The following MTHFD2L variants were observed in gnomAD, a reference collection of about 807,000 sequenced individuals.
MTHFD2L encodes the protein methylenetetrahydrofolate dehydrogenase (NADP+ dependent) 2 like, also known as bifunctional methylenetetrahydrofolate dehydrogenase/cyclohydrolase 2, mitochondrial.
Under a neutral mutation model 34.9 loss-of-function variants are expected in MTHFD2L, and 29 were observed. The ratio of observed to expected loss-of-function variants is 0.83; its 90% CI spans 0.62 to 1.13. The LOEUF (loss-of-function observed/expected upper bound fraction) is 1.13. Among genes scored for constraint, MTHFD2L ranks in the 50% most tolerant of loss-of-function variants. The pLI is 0.00. For synonymous variants in MTHFD2L, 167 were observed against 155.7 expected (o/e 1.07, Z -0.54); for missense variants, 481 against 446.5 (o/e 1.08, Z -0.70).
At chr4:74,123,994 A>G (rs1384004002), upstream of MTHFD2L, among the ~76,000 whole-genome samples, 2 of 152,224 alleles carry the variant, frequency 1.3e-5, no homozygotes, top group East Asian at 3.9e-4. Context: ...AACTTGTCCT[A>G]TAACACATAT....
intron 3 of MTHFD2L, chr4:74,194,251 T>G (rs369159066): frequency 1.9e-4 from 29 of 152,316 alleles, no homozygotes; most frequent in African/African-American, 7.0e-4. Context: ...GATATATCGC[T>G]TCAATTTTCA....
At chr4:74,165,020 G>T (rs1208696644) in intron 1 of MTHFD2L, 2 of 984,486 alleles carry the variant, frequency 2.0e-6, no homozygotes, top group African/African-American at 1.7e-5. Context: ...TTTTTGATAT[G>T]CATTAATGGC....
intron 6 of MTHFD2L, among the ~76,000 whole-genome samples, chr4:74,265,064 AC>A (rs748533197): frequency 2.0e-5 from 3 of 152,124 alleles, no homozygotes; most frequent in Non-Finnish European, 4.4e-5. Flanking sequence ...GAGAGTAAGA[AC>A]TTTTTTTTTT....
At chr4:74,185,625 A>G (rs776728364) in intron 3 of MTHFD2L, among the ~76,000 whole-genome samples, 1 of 152,202 alleles carries the variant, frequency 6.6e-6, no homozygotes, top group Non-Finnish European at 1.5e-5. Context: ...AGATATTAAA[A>G]GGGCAGTAAG....
At chr4:74,218,146 TA>T (rs1286168789) in intron 5 of MTHFD2L, among the ~76,000 whole-genome samples, 1 of 152,120 alleles carries the variant, frequency 6.6e-6, no homozygotes, top group Non-Finnish European at 1.5e-5. Flanking sequence ...ATTTTTTTTT[TA>T]GTCATGATTT....
chr4:74,293,136 G>A (rs572696418), intron 7 of MTHFD2L, among the ~76,000 whole-genome samples: 39 of 152,084 alleles, frequency 2.6e-4, no homozygotes, highest in Non-Finnish European at 5.3e-4. Flanking sequence ...ATGGTGGTTG[G>A]CTGCACCCAT....
upstream of MTHFD2L, chr4:74,156,512 A>G (rs531309634): frequency 4.6e-5 from 7 of 152,336 alleles, no homozygotes; most frequent in Non-Finnish European, 1.0e-4. Context: ...TAAAGATGCT[A>G]TAAACATTCA....
chr4:74,240,895 A>G (rs1002670921), intron 6 of MTHFD2L, among the ~76,000 whole-genome samples: 4 of 152,150 alleles, frequency 2.6e-5, no homozygotes, highest in African/African-American at 9.7e-5. Context: ...ACTACCAAAC[A>G]CCTTTAATTA....
At chr4:74,225,573 T>A (rs1739020656) in intron 6 of MTHFD2L, among the ~76,000 whole-genome samples, 179 bp downstream of exon 6, 1 of 152,186 alleles carries the variant, frequency 6.6e-6, no homozygotes, top group Non-Finnish European at 1.5e-5. Context: ...TGTTAGCATT[T>A]GTTACTTCAT....
chr4:74,277,587 A>G (rs921015596), intron 6 of MTHFD2L, among the ~76,000 whole-genome samples: 1 of 152,066 alleles, frequency 6.6e-6, no homozygotes, highest in Non-Finnish European at 1.5e-5. Context: ...AATATTGCTA[A>G]TAAGGAATAA....
intron 1 of MTHFD2L, among the ~76,000 whole-genome samples, chr4:74,148,705 G>A (rs760937006): frequency 5.3e-5 from 8 of 151,784 alleles, no homozygotes; most frequent in Non-Finnish European, 7.4e-5. Flanking sequence ...GAATATGCAC[G>A]TATCTTATGA....
intron 5 of MTHFD2L, among the ~76,000 whole-genome samples, chr4:74,204,795 T>C (rs1487637307): frequency 1.3e-5 from 2 of 152,152 alleles, no homozygotes; most frequent in Non-Finnish European, 2.9e-5. Context: ...TTTTATCATG[T>C]ATGATTTATT....
intron 6 of MTHFD2L, among the ~76,000 whole-genome samples, chr4:74,235,724 G>T (rs1361869923): frequency 2.0e-5 from 3 of 152,038 alleles, no homozygotes; most frequent in Non-Finnish European, 4.4e-5. Context: ...TCTTGCTTCT[G>T]TATACCTAGT....
chr4:74,270,068 G>T (rs1242350725), intron 6 of MTHFD2L, among the ~76,000 whole-genome samples: 1 of 151,850 alleles, frequency 6.6e-6, no homozygotes, highest in African/African-American at 2.4e-5. Context: ...TACACAATGG[G>T]GTTTTTAGGT....
At chr4:74,267,593 T>G in intron 6 of MTHFD2L, 1 of 362,146 alleles carries the variant, frequency 2.8e-6, no homozygotes, top group Non-Finnish European at 3.8e-6. Context: ...TTTGTTTGTT[T>G]GCTTGTTTGT....
intron 1 of MTHFD2L, among the ~76,000 whole-genome samples, chr4:74,132,000 C>T (rs933739708): frequency 6.6e-5 from 10 of 152,194 alleles, no homozygotes; most frequent in Non-Finnish European, 1.5e-4. Flanking sequence ...AGCTCATTAT[C>T]ACTGGTCATT....
chr4:74,285,858 C>T (rs1407105249), intron 7 of MTHFD2L, among the ~76,000 whole-genome samples: 1 of 152,092 alleles, frequency 6.6e-6, no homozygotes, highest in Non-Finnish European at 1.5e-5. Context: ...ATATCCAATG[C>T]CATAATCACT....
chr4:74,156,153 A>G (rs371935685), upstream of MTHFD2L, among the ~76,000 whole-genome samples: 28 of 152,240 alleles, frequency 1.8e-4, no homozygotes, highest in East Asian at 3.7e-3. Flanking sequence ...TGACAAATGC[A>G]TAGTGTCACG....
At chr4:74,178,906 G>A (rs150823970) in intron 3 of MTHFD2L, among the ~76,000 whole-genome samples, 91 of 152,070 alleles carry the variant, frequency 6.0e-4, no homozygotes, top group African/African-American at 1.9e-3. Flanking sequence ...ATTTGAATCC[G>A]GGCAGACTGG....
Sources: gnomAD v4.1 joint callset for allele counts (sites outside exome capture counted in the v4.1 genomes callset) on GRCh38, gnomAD v4.1.1 for gene constraint, MANE v1.5 for transcripts, NCBI Gene and HGNC (gene_info 2026-07-23, HGNC 2026-07-21) for gene names.